Variants in ATG13 observed in about 807,000 individuals in gnomAD.
The protein encoded by ATG13 is autophagy-related protein 13.
Under a neutral mutation model 65.5 loss-of-function variants are expected in ATG13, and 23 were observed. The observed-to-expected ratio is 0.35, with a 90% CI of 0.25 to 0.50. ATG13 has a LOEUF of 0.50. Ranked by LOEUF, ATG13 falls within the 20% of genes least tolerant of loss-of-function variation. The pLI is 0.98. For synonymous variants in ATG13, 252 were observed against 245.2 expected (o/e 1.03, Z -0.26); for missense variants, 566 against 677.0 (o/e 0.84, Z 1.82).
intron 16 of ATG13, 75 bp downstream of exon 16, chr11:46,668,651 AT>A (rs750231897): frequency 1.3e-6 from 2 of 1,543,068 alleles, no homozygotes; most frequent in South Asian, 1.1e-5. Context: ...AGAGTCACTA[AT>A]CCCCCACAGA....
At chr11:46,659,575 T>G (rs765883412) in intron 11 of ATG13, 90 bp downstream of exon 11, 19 of 1,042,892 alleles carry the variant, frequency 1.8e-5, no homozygotes, top group Non-Finnish European at 2.5e-5. Flanking sequence ...TACAATCCCT[T>G]TTAATAGTGG....
Position 46,668,782 on chromosome 11 carries a change from G to T in ATG13, c.1330-12G>T, listed in dbSNP as rs1314564565. 6.2e-7 allele frequency: 1 copy of T among 1,603,014 alleles called. No homozygotes were observed. Among genetic ancestry groups the T allele is most frequent in the Admixed American group, 1.7e-5 (1 of 59,986 alleles). ...ACAGCATCAGCCCTAATCCTGCCTT[G>T]CTATGAAACAGGTGAATCCTCCAGA... is the stretch of plus-strand genomic sequence containing the variant. On this transcript the variant is annotated splice_polypyrimidine_tract_variant and intron_variant, in intron 16 of 18. Coordinates refer to ENST00000683050, the MANE Select transcript of ATG13 (RefSeq NM_001346311.2).
At chr11:46,631,829 A>G (rs1418044858) in intron 2 of ATG13, among the ~76,000 whole-genome samples, 3 of 152,150 alleles carry the variant, frequency 2.0e-5, no homozygotes, top group Non-Finnish European at 4.4e-5. Flanking sequence ...GCAGTGAGCT[A>G]TGATGGCATC....
chr11:46,672,613 G>A lies in ATG13; in HGVS notation c.*281G>A. 6.3e-6 allele frequency: 9 copies of A among 1,420,796 alleles called. No individual in the cohort carries two copies. The highest frequency in any genetic ancestry group is 8.4e-6 in the Non-Finnish European group (9 of 1,070,726). 88.0% of individuals were successfully genotyped at this position (1,420,796 alleles called of 1,614,324 possible). A position where few individuals can be genotyped will look rare whatever the true frequency, so the allele number is the denominator to read the frequency against. On this transcript the variant is annotated 3_prime_UTR_variant, in exon 19 of 19. Coordinates refer to ENST00000683050, the MANE Select transcript of ATG13 (RefSeq NM_001346311.2). Reference sequence around the variant, plus strand: ...CTCAGCAGGGCCATCTGTGTGCCCTGCCCATCACCAACTGCTTCCCAAGGG... The same window carrying A: ...CTCAGCAGGGCCATCTGTGTGCCCTACCCATCACCAACTGCTTCCCAAGGG...
intron 2 of ATG13, among the ~76,000 whole-genome samples, chr11:46,642,501 C>T (rs992583842): frequency 1.3e-5 from 2 of 151,678 alleles, no homozygotes; most frequent in Admixed American, 1.3e-4. Context: ...AGACGGGTTT[C>T]ACCATGTTGG....
At chr11:46,623,293 C>CAAAGA (rs111877517) in intron 1 of ATG13, among the ~76,000 whole-genome samples, 1,816 of 152,028 alleles carry the variant, frequency 0.012, 41 homozygotes, top group African/African-American at 0.042. Context: ...GACCCCGTCT[C>CAAAGA]AAAGAAAAGA....
intron 1 of ATG13, among the ~76,000 whole-genome samples, chr11:46,624,684 A>G (rs982999928): frequency 2.6e-5 from 4 of 152,084 alleles, no homozygotes; most frequent in Admixed American, 6.6e-5. Flanking sequence ...AGTTTCTTCA[A>G]TTGTTGTCCA....
At chr11:46,649,800 T>C (rs2058530065) in intron 6 of ATG13, among the ~76,000 whole-genome samples, 1 of 152,208 alleles carries the variant, frequency 6.6e-6, no homozygotes, top group African/African-American at 2.4e-5. Flanking sequence ...GACCCAAAAT[T>C]TTAGAGCCAA....
At chr11:46,665,008 T>C in intron 13 of ATG13, 49 bp downstream of exon 13, 1 of 1,509,412 alleles carries the variant, frequency 6.6e-7, no homozygotes. Context: ...CTGCCTCCCC[T>C]GCCCGGAGGC....
intron 7 of ATG13, among the ~76,000 whole-genome samples, chr11:46,655,944 G>A (rs1367611934): frequency 6.6e-6 from 1 of 152,134 alleles, no homozygotes; most frequent in Admixed American, 6.5e-5. Context: ...GTGTTGCCCA[G>A]ACTGGTCTTG....
intron 2 of ATG13, among the ~76,000 whole-genome samples, chr11:46,641,107 C>T (rs2055836209): frequency 6.6e-6 from 1 of 152,196 alleles, no homozygotes; most frequent in Non-Finnish European, 1.5e-5. Context: ...GAGTCTTGCT[C>T]CATTGCCCAG....
chr11:46,620,233 A>C (rs1203557120), intron 1 of ATG13, among the ~76,000 whole-genome samples: 1 of 148,358 alleles, frequency 6.7e-6, no homozygotes, highest in Non-Finnish European at 1.5e-5. Flanking sequence ...AGCTGGGATT[A>C]CAGGCGCCCG....
chr11:46,639,175 A>G (rs1024997065), intron 2 of ATG13, among the ~76,000 whole-genome samples: 2 of 152,022 alleles, frequency 1.3e-5, no homozygotes, highest in Admixed American at 1.3e-4. Flanking sequence ...TTTAGTAGAG[A>G]CAGGGTTTTA....
intron 11 of ATG13, chr11:46,659,747 T>A: frequency 3.0e-6 from 1 of 328,928 alleles, no homozygotes; most frequent in Non-Finnish European, 5.6e-6. Context: ...GTCACAGAAT[T>A]CCAAATGCAT....
Position 46,665,545 on chromosome 11 carries a change from C to G in ATG13, c.1136+26C>G, listed in dbSNP as rs754874017. The G allele has an allele frequency of 1.9e-6, 3 of 1,611,688 alleles. No individual in the cohort carries two copies. The African/African-American group carries it at 4.0e-5, about 22-fold the overall frequency. ...GTGAGTTCACATTTTGGCTCTGTCT[C>G]TGGTAAGGCTGGCCAGGGGCCTGGG... On this transcript the variant is annotated intron_variant, in intron 14 of 18. Transcript: ENST00000683050.
intron 1 of ATG13, among the ~76,000 whole-genome samples, chr11:46,627,467 A>G (rs2050091246): frequency 6.6e-6 from 1 of 152,008 alleles, no homozygotes; most frequent in Admixed American, 6.6e-5. Context: ...CATGATAAAC[A>G]TGAGTTTAAA....
intron 11 of ATG13, among the ~76,000 whole-genome samples, chr11:46,663,159 AGGAGGC>A (rs2061529836): frequency 6.7e-6 from 1 of 148,892 alleles, no homozygotes; most frequent in South Asian, 2.2e-4. Flanking sequence ...TCAGCCACTT[AGGAGGC>A]TGAGGCAGGA....
intron 11 of ATG13, among the ~76,000 whole-genome samples, chr11:46,663,134 C>T (rs547287354): frequency 5.3e-5 from 8 of 151,804 alleles, no homozygotes; most frequent in African/African-American, 9.7e-5. Flanking sequence ...GGCTTGGTGG[C>T]GGGCACCTGT....
intron 2 of ATG13, among the ~76,000 whole-genome samples, chr11:46,641,366 G>A (rs2055947619): frequency 6.6e-6 from 1 of 152,124 alleles, no homozygotes; most frequent in African/African-American, 2.4e-5. Flanking sequence ...CACTGTGCCC[G>A]GCCTAGAATT....
Sources: gnomAD v4.1 joint callset for allele counts (sites outside exome capture counted in the v4.1 genomes callset) on GRCh38, gnomAD v4.1.1 for gene constraint, MANE v1.5 for transcripts, NCBI Gene and HGNC (gene_info 2026-07-23, HGNC 2026-07-21) for gene names.